CDH4: variants seen among roughly 807,000 people sequenced by gnomAD.
CDH4 encodes the protein cadherin-4.
In CDH4, 33 loss-of-function variants were observed where a neutral mutation model predicts 86.0. That is an observed-to-expected ratio of 0.38 (90% CI 0.29 to 0.51). The LOEUF is 0.51. Among genes scored for constraint, CDH4 ranks in the 20% least tolerant of loss-of-function variants. The pLI is 0.86. For missense variants in CDH4, 1,114 were observed against 1,307.4 expected (o/e 0.85, Z 2.28); for synonymous variants, 555 against 549.4 (o/e 1.01, Z -0.14).
At position 61,929,605 on chromosome 20, in the gene CDH4, C is replaced by A; in HGVS notation, c.2006-4C>A. 4.3e-6 allele frequency: 7 copies of A among 1,610,322 alleles called. No individual in the cohort carries two copies. Among genetic ancestry groups the A allele is most frequent in the Non-Finnish European group, 5.9e-6 (7 of 1,176,832 alleles). Reference sequence around the variant, plus strand: ...GTTGAATGTTTACTGTTGCTTTGCACCAGGTGACTATGCCCAACTCAGCTT... The same window carrying A: ...GTTGAATGTTTACTGTTGCTTTGCAACAGGTGACTATGCCCAACTCAGCTT... On this transcript the variant is annotated splice_region_variant and splice_polypyrimidine_tract_variant and intron_variant, in intron 12 of 15. Coordinates refer to ENST00000614565, the MANE Select transcript of CDH4 (RefSeq NM_001794.5).
chr20:61,464,026 C>T (rs1005391191), intron 2 of CDH4, among the ~76,000 whole-genome samples: 1 of 152,226 alleles, frequency 6.6e-6, no homozygotes, highest in African/African-American at 2.4e-5. Context: ...ACCCTCTCCT[C>T]AGCAGTTCAG....
At chr20:61,331,447 G>T (rs1468438586) in intron 2 of CDH4, among the ~76,000 whole-genome samples, 2 of 152,016 alleles carry the variant, frequency 1.3e-5, no homozygotes, top group Non-Finnish European at 2.9e-5. Flanking sequence ...TCCTCACTGT[G>T]TCTGTGCATC....
intron 4 of CDH4, among the ~76,000 whole-genome samples, chr20:61,786,944 G>T (rs967159124): frequency 6.6e-6 from 1 of 152,242 alleles, no homozygotes; most frequent in African/African-American, 2.4e-5. Flanking sequence ...GGGTGAAGGA[G>T]AGTATGTATG....
intron 2 of CDH4, among the ~76,000 whole-genome samples, chr20:61,321,616 G>A (rs999587451): frequency 6.6e-6 from 1 of 152,158 alleles, no homozygotes; most frequent in Non-Finnish European, 1.5e-5. Flanking sequence ...GTAGACGTGC[G>A]GTGAGCGGAG....
chr20:61,398,128 T>A (rs140145460), intron 2 of CDH4, among the ~76,000 whole-genome samples: 1 of 152,228 alleles, frequency 6.6e-6, no homozygotes, highest in African/African-American at 2.4e-5. Flanking sequence ...CACGTTAGAA[T>A]TGAATGAGCA....
At chr20:61,767,842 C>T (rs2088718632) in intron 3 of CDH4, among the ~76,000 whole-genome samples, 1 of 152,200 alleles carries the variant, frequency 6.6e-6, no homozygotes, top group Non-Finnish European at 1.5e-5. Context: ...AAAAGTAGGA[C>T]CACAGCCCAG....
intron 2 of CDH4, among the ~76,000 whole-genome samples, chr20:61,462,588 G>GAGCAGACCTGGGTGCCAAA (rs11466872): frequency 4.0e-5 from 6 of 151,840 alleles, no homozygotes; most frequent in Admixed American, 3.3e-4. Flanking sequence ...CATTGCTCCT[G>GAGCAGACCTGGGTGCCAAA]AGCCTCCCTC....
chr20:61,459,150 G>A (rs546813444), intron 2 of CDH4, among the ~76,000 whole-genome samples: 29 of 151,978 alleles, frequency 1.9e-4, no homozygotes, highest in Non-Finnish European at 3.4e-4. Context: ...ATGGGCTGGT[G>A]TTGCCTGGTG....
At chr20:61,798,056 C>T (rs981307397) in intron 4 of CDH4, among the ~76,000 whole-genome samples, 1 of 152,218 alleles carries the variant, frequency 6.6e-6, no homozygotes, top group African/African-American at 2.4e-5. Flanking sequence ...CGTCCACAGC[C>T]AGCCTCTCTG....
intron 2 of CDH4, among the ~76,000 whole-genome samples, chr20:61,421,089 AG>A (rs2085175381): frequency 6.6e-6 from 1 of 152,240 alleles, no homozygotes; most frequent in African/African-American, 2.4e-5. Context: ...AGCTAAAGAC[AG>A]GGAGGGGCAG....
At chr20:61,718,584 C>G in intron 2 of CDH4, 1 of 349,434 alleles carries the variant, frequency 2.9e-6, no homozygotes, top group Non-Finnish European at 5.7e-6. Flanking sequence ...TGCACAGGCT[C>G]ACAGGGCAGA....
intron 2 of CDH4, among the ~76,000 whole-genome samples, chr20:61,453,387 G>A (rs540669724): frequency 3.9e-5 from 6 of 152,170 alleles, no homozygotes; most frequent in Admixed American, 6.5e-5. Context: ...TGCTGGGTTC[G>A]CATGTGTGGA....
chr20:61,347,977 C>T (rs1480530449), intron 2 of CDH4, among the ~76,000 whole-genome samples: 1 of 152,118 alleles, frequency 6.6e-6, no homozygotes, highest in Non-Finnish European at 1.5e-5. Flanking sequence ...GAGTGGAAAC[C>T]CACGTGTGTA....
At position 61,422,424 on chromosome 20, in the gene CDH4, C is replaced by CAAAAAAAAAAAAAAAAAAAAAA. The variant is rs869235928; in HGVS notation, c.169+167509_169+167530dup. Among the ~76,000 whole-genome samples the CAAAAAAAAAAAAAAAAAAAAAA allele has an allele frequency of 3.6e-4, 8 of 22,234 alleles. 2 individuals are homozygous for CAAAAAAAAAAAAAAAAAAAAAA. Among genetic ancestry groups the CAAAAAAAAAAAAAAAAAAAAAA allele is most frequent in the Non-Finnish European group, 6.5e-4 (8 of 12,296 alleles). The allele number at this position is 22,234 out of a possible 152,430, so 14.6% of individuals were successfully genotyped here. On this transcript the variant is annotated intron_variant, in intron 2 of 15. Transcript: ENST00000614565. ...GGGCAATAAGAGCAAAACTCCGTCTCAAAAAAAAAAAAAAAAAAAAAAAAA... is the reference window on the plus strand; with the variant it reads ...GGGCAATAAGAGCAAAACTCCGTCTCAAAAAAAAAAAAAAAAAAAAAAAAAAAAAAAAAAAAAAAAAAAAAAA...
intron 2 of CDH4, among the ~76,000 whole-genome samples, chr20:61,590,874 T>A (rs1026200136): frequency 6.7e-5 from 3 of 45,002 alleles, no homozygotes; most frequent in South Asian, 6.6e-4. Context: ...TCCCTAAATC[T>A]ATGGGGGGGG....
At chr20:61,854,464 C>T (rs1477137041) in intron 6 of CDH4, among the ~76,000 whole-genome samples, 1 of 147,628 alleles carries the variant, frequency 6.8e-6, no homozygotes, top group Admixed American at 6.7e-5. Context: ...CTTTGGCCCA[C>T]CCCCAGGGCT....
At chr20:61,411,173 G>A (rs765949383) in intron 2 of CDH4, among the ~76,000 whole-genome samples, 3 of 151,494 alleles carry the variant, frequency 2.0e-5, no homozygotes, top group Non-Finnish European at 4.4e-5. Flanking sequence ...CTAGATTCTA[G>A]GTATTCCATG....
chr20:61,728,633 A>C (rs949958476), intron 2 of CDH4, among the ~76,000 whole-genome samples: 7 of 152,156 alleles, frequency 4.6e-5, no homozygotes, highest in Non-Finnish European at 8.8e-5. Context: ...ATGACCTTCC[A>C]TATAGGTTTG....
At chr20:61,316,065 G>A (rs1191147635) in intron 2 of CDH4, among the ~76,000 whole-genome samples, 1 of 152,180 alleles carries the variant, frequency 6.6e-6, no homozygotes, top group African/African-American at 2.4e-5. Flanking sequence ...GGATTTGGCA[G>A]CTTCCCTTTG....
Sources: gnomAD v4.1 joint callset for allele counts (sites outside exome capture counted in the v4.1 genomes callset) on GRCh38, gnomAD v4.1.1 for gene constraint, MANE v1.5 for transcripts, NCBI Gene and HGNC (gene_info 2026-07-23, HGNC 2026-07-21) for gene names.